Variants in NOP14 observed in about 807,000 individuals in gnomAD.
The protein encoded by NOP14 is nucleolar protein 14.
A neutral mutation model predicts 101.6 loss-of-function variants in NOP14; 57 were observed. The observed-to-expected ratio is 0.56, with a 90% confidence interval of 0.45 to 0.70. The LOEUF (loss-of-function observed/expected upper bound fraction) is 0.70. Among genes scored for constraint, NOP14 ranks in the 30% least tolerant of loss-of-function variants. NOP14 has a pLI of 0.00. For missense variants in NOP14, 1,134 were observed against 1,075.5 expected, an observed-to-expected ratio of 1.05 and a Z score of -0.76; for synonymous variants, 428 against 424.0, an observed-to-expected ratio of 1.01 and a Z score of -0.12.
intron 15 of NOP14, chr4:2,941,025 G>C (rs945330289): frequency 6.6e-6 from 1 of 152,436 alleles, no homozygotes; most frequent in African/African-American, 2.6e-5. Flanking sequence ...AGGATGAAAG[G>C]CACAAGCCAC....
Position 2,961,125 on chromosome 4 carries a change from A to T in NOP14, c.195+2000T>A, listed in dbSNP as rs56269333. 1.1e-4 allele frequency among the ~76,000 whole-genome samples: 8 copies of T among 73,206 alleles called. No homozygotes were observed. The East Asian group carries it at 1.7e-3, about 15-fold the overall frequency. The allele number at this position is 73,206 out of a possible 152,430, so 48.0% of individuals were successfully genotyped here. Reference sequence around the variant, plus strand: ...AATATTTTAATAATATATTAATATTATAATAATATATTAATATACTAATAT... The same window carrying T: ...AATATTTTAATAATATATTAATATTTTAATAATATATTAATATACTAATAT... On this transcript the variant is annotated intron_variant, in intron 1 of 17. Transcript: ENST00000416614.
At chr4:2,948,698 G>T (rs1463255882) in intron 8 of NOP14, among the ~76,000 whole-genome samples, 1 of 152,082 alleles carries the variant, frequency 6.6e-6, no homozygotes, top group East Asian at 1.9e-4. Flanking sequence ...CAGGTGATCC[G>T]CCTGCCTAGG....
intron 12 of NOP14, 51 bp from the exon 13 acceptor site, chr4:2,944,277 G>C (rs762916486): frequency 1.3e-6 from 2 of 1,560,490 alleles, no homozygotes; most frequent in Non-Finnish European, 1.7e-6. Context: ...GTCATGCCAT[G>C]CTAGGCCGAC....
chr4:2,958,922 A>G (rs1715523718), intron 1 of NOP14, among the ~76,000 whole-genome samples: 1 of 152,250 alleles, frequency 6.6e-6, no homozygotes, highest in Admixed American at 6.5e-5. Flanking sequence ...CAGCTGGGCA[A>G]GAGCAGAAGA....
At chr4:2,955,741 A>G (rs1355057526) in intron 3 of NOP14, among the ~76,000 whole-genome samples, 1 of 152,256 alleles carries the variant, frequency 6.6e-6, no homozygotes, top group African/African-American at 2.4e-5. Flanking sequence ...AAGAGCAAAG[A>G]CAAAGGCACA....
At chr4:2,941,781 C>A (rs769775725) in intron 14 of NOP14, 52 bp from the exon 15 acceptor site, 9 of 1,577,062 alleles carry the variant, frequency 5.7e-6, no homozygotes, top group Non-Finnish European at 7.8e-6. Flanking sequence ...TTGTCACTGA[C>A]AAAACCAATA....
At chr4:2,959,939 G>A (rs1341997687) in intron 1 of NOP14, among the ~76,000 whole-genome samples, 2 of 151,856 alleles carry the variant, frequency 1.3e-5, no homozygotes, top group Non-Finnish European at 2.9e-5. Context: ...AACTCTGTAC[G>A]GACAGAGGCT....
intron 15 of NOP14, chr4:2,940,254 C>G (rs1056638187): frequency 6.5e-6 from 1 of 154,076 alleles, no homozygotes; most frequent in Non-Finnish European, 1.4e-5. Context: ...AGGAATCTCC[C>G]GAAAGGTAGT....
At chr4:2,953,483 A>G in intron 5 of NOP14, 28 bp downstream of exon 5, 1 of 1,612,256 alleles carries the variant, frequency 6.2e-7, no homozygotes, top group Non-Finnish European at 8.5e-7. Flanking sequence ...CAGTGAGTGA[A>G]GAGTTTGTTT....
At chr4:2,942,125 G>A (rs906734724) in intron 14 of NOP14, 67 bp downstream of exon 14, 2 of 1,503,316 alleles carry the variant, frequency 1.3e-6, no homozygotes, top group Non-Finnish European at 1.8e-6. Flanking sequence ...CAGAAAGCAC[G>A]AGTGGCTTCT....
chr4:2,940,517 G>C (rs571287469), intron 15 of NOP14: 83 of 152,276 alleles, frequency 5.5e-4, no homozygotes, highest in Non-Finnish European at 1.1e-3. Flanking sequence ...CACACCAGCA[G>C]GAAGTGGATA....
chr4:2,945,706 C>T (rs1205573359), intron 11 of NOP14, among the ~76,000 whole-genome samples: 1 of 152,230 alleles, frequency 6.6e-6, no homozygotes, highest in African/African-American at 2.4e-5. Context: ...CTTTGAATAA[C>T]ATAGAAACCG....
chr4:2,938,444 C>A lies in NOP14; in HGVS notation c.*387G>T. The A allele has an allele frequency of 5.7e-6, 2 of 351,038 alleles. No individual in the cohort carries two copies. The highest frequency in any genetic ancestry group is 1.1e-5 in the Non-Finnish European group (2 of 179,886). The allele number at this position is 351,038 out of a possible 1,614,324, so 21.7% of individuals were successfully genotyped here. ...CTGAGGCAGGAGAATCGCTTGAACC[C>A]AGGAGGTGGAGGTTGTGCCATTGCA... On this transcript the variant is annotated 3_prime_UTR_variant, in exon 18 of 18. Coordinates refer to ENST00000416614, the MANE Select transcript of NOP14 (RefSeq NM_001291978.2).
intron 9 of NOP14, 126 bp downstream of exon 9, chr4:2,948,152 T>C (rs1035550592): frequency 2.8e-5 from 33 of 1,189,164 alleles, no homozygotes; most frequent in South Asian, 1.5e-4. Context: ...TAGGTAACCA[T>C]GTGACGGGCT....
chr4:2,939,973 G>A (rs1052381968), intron 15 of NOP14, among the ~76,000 whole-genome samples: 2 of 152,190 alleles, frequency 1.3e-5, no homozygotes, highest in Non-Finnish European at 2.9e-5. Flanking sequence ...AGCCAGAAAC[G>A]TCAACAGAAC....
chr4:2,956,890 A>T, intron 2 of NOP14, 79 bp from the exon 3 acceptor site: 4 of 1,233,516 alleles, frequency 3.2e-6, no homozygotes, highest in Non-Finnish European at 4.4e-6. Flanking sequence ...GTAGATATAT[A>T]TATTTCCATT....
In NOP14 at chr4:2,959,587, T is replaced by C. The variant is rs1198053674; in HGVS notation, c.196-1847A>G. On this transcript the variant is annotated intron_variant, in intron 1 of 17. Coordinates refer to ENST00000416614, the MANE Select transcript of NOP14 (RefSeq NM_001291978.2). ...CAGCCTGGGCGACAGACAAAGACTCTGTCTCAAAAACAAAAAAAAACAAAA... is the reference window on the plus strand; with the variant it reads ...CAGCCTGGGCGACAGACAAAGACTCCGTCTCAAAAACAAAAAAAAACAAAA... 2.7e-5 allele frequency among the ~76,000 whole-genome samples: 4 copies of C among 148,922 alleles called. No homozygotes were observed. In the East Asian group the frequency reaches 5.8e-4, roughly 22 times the overall value.
intron 13 of NOP14, among the ~76,000 whole-genome samples, chr4:2,943,011 C>T (rs1041694727): frequency 1.3e-5 from 2 of 152,170 alleles, no homozygotes; most frequent in African/African-American, 4.8e-5. Flanking sequence ...GAGATGCCCA[C>T]CCCTTCCTTG....
chr4:2,963,357 A>G lies in NOP14; in HGVS notation c.-38T>C. The G allele has an allele frequency of 6.6e-7, 1 of 1,513,896 alleles. No homozygotes were observed. Among genetic ancestry groups the G allele is most frequent in the South Asian group, 1.2e-5 (1 of 81,494 alleles). 93.8% of individuals were successfully genotyped at this position (1,513,896 alleles called of 1,614,324 possible). A position where few individuals can be genotyped will look rare whatever the true frequency, so the allele number is the denominator to read the frequency against. On this transcript the variant is annotated 5_prime_UTR_variant, in exon 1 of 18. Transcript: ENST00000416614. ...GCTGCGCCCAAGGGCCCGAGACCCGAAGAGAGACAGGCGCGCGCTACCCTA... is the reference window on the plus strand; with the variant it reads ...GCTGCGCCCAAGGGCCCGAGACCCGGAGAGAGACAGGCGCGCGCTACCCTA...
Sources: gnomAD v4.1 joint callset for allele counts (sites outside exome capture counted in the v4.1 genomes callset) on GRCh38, gnomAD v4.1.1 for gene constraint, MANE v1.5 for transcripts, NCBI Gene and HGNC (gene_info 2026-07-23, HGNC 2026-07-21) for gene names.